The following DTNA variants were observed in gnomAD, a reference collection of about 807,000 sequenced individuals.
The protein encoded by DTNA is dystrobrevin alpha, also known as dystrophin-related protein 3.
Under a neutral mutation model 100.7 loss-of-function variants are expected in DTNA, and 43 were observed. That is an observed-to-expected ratio of 0.43 (90% confidence interval 0.33 to 0.55). The LOEUF is 0.55. DTNA is among the 20% of genes least tolerant of loss of function. The pLI is 0.04. For missense variants in DTNA, 798 were observed against 953.9 expected (o/e 0.84, Z 2.15); for synonymous variants, 349 against 347.9 (o/e 1.00, Z -0.04).
intron 13 of DTNA, among the ~76,000 whole-genome samples, chr18:34,847,274 AT>A (rs755602508): frequency 5.9e-5 from 9 of 152,142 alleles, no homozygotes; most frequent in Non-Finnish European, 1.5e-5. Flanking sequence ...GTTTCTGTAA[AT>A]TTATAGGAGG....
chr18:34,691,508 G>A (rs989472501), intron 1 of DTNA, among the ~76,000 whole-genome samples: 12 of 152,166 alleles, frequency 7.9e-5, no homozygotes, highest in Non-Finnish European at 1.3e-4. Context: ...TGTGAAACAA[G>A]CAGTTGAAAA....
chr18:34,543,536 A>G (rs1351341880), intron 1 of DTNA, among the ~76,000 whole-genome samples: 1 of 152,078 alleles, frequency 6.6e-6, no homozygotes, highest in Non-Finnish European at 1.5e-5. Flanking sequence ...TACAATTCTC[A>G]TGGATGTTAA....
chr18:34,642,171 C>A (rs756384475), intron 1 of DTNA, among the ~76,000 whole-genome samples: 23 of 152,176 alleles, frequency 1.5e-4, no homozygotes, highest in Non-Finnish European at 3.1e-4. Context: ...TGAGAAGCCA[C>A]TGAGGCATTC....
At chr18:34,507,972 TG>T (rs1463212699) in intron 1 of DTNA, among the ~76,000 whole-genome samples, 2 of 152,220 alleles carry the variant, frequency 1.3e-5, no homozygotes, top group African/African-American at 4.8e-5. Context: ...ATATTATAAA[TG>T]TTTTTCAAGT....
chr18:34,873,068 T>A (rs2096780866), intron 17 of DTNA, among the ~76,000 whole-genome samples: 2 of 152,322 alleles, frequency 1.3e-5, no homozygotes, highest in South Asian at 4.2e-4. Context: ...GTATTAGGGG[T>A]TAAAGTGCTT....
At chr18:34,525,020 A>G (rs1047472499) in intron 1 of DTNA, among the ~76,000 whole-genome samples, 1 of 152,178 alleles carries the variant, frequency 6.6e-6, no homozygotes, top group African/African-American at 2.4e-5. Flanking sequence ...TAAATGGAGA[A>G]CAATATTCAA....
At chr18:34,656,175 G>A (rs1471920319) in intron 1 of DTNA, among the ~76,000 whole-genome samples, 1 of 152,182 alleles carries the variant, frequency 6.6e-6, no homozygotes, top group Admixed American at 6.5e-5. Flanking sequence ...TAAAGTTATA[G>A]TTATAAGTTG....
At chr18:34,751,011 C>G (rs1379865651) in intron 1 of DTNA, among the ~76,000 whole-genome samples, 1 of 152,164 alleles carries the variant, frequency 6.6e-6, no homozygotes, top group Non-Finnish European at 1.5e-5. Context: ...TTATCCTTCC[C>G]CATACATGGG....
intron 1 of DTNA, among the ~76,000 whole-genome samples, chr18:34,731,557 A>G (rs1190463809): frequency 2.6e-5 from 4 of 152,242 alleles, no homozygotes; most frequent in Admixed American, 2.6e-4. Context: ...AGTACAGCAC[A>G]TAGCAAGTGC....
chr18:34,563,123 A>G (rs1210211954), intron 1 of DTNA, among the ~76,000 whole-genome samples: 1 of 152,188 alleles, frequency 6.6e-6, no homozygotes, highest in Non-Finnish European at 1.5e-5. Context: ...GACCTTAGCT[A>G]GAAAGAGGGT....
intron 6 of DTNA, among the ~76,000 whole-genome samples, chr18:34,814,547 C>T (rs1200738247): frequency 6.6e-6 from 1 of 151,844 alleles, no homozygotes; most frequent in Non-Finnish European, 1.5e-5. Flanking sequence ...AAACAATTAG[C>T]CAGGTGTGGT....
intron 1 of DTNA, among the ~76,000 whole-genome samples, chr18:34,644,350 AATGTTT>A (rs1378772402): frequency 1.3e-5 from 2 of 152,136 alleles, no homozygotes; most frequent in Admixed American, 6.5e-5. Flanking sequence ...GACTACTTGT[AATGTTT>A]ATGTTTATTA....
intron 1 of DTNA, among the ~76,000 whole-genome samples, chr18:34,648,477 A>G (rs2143685771): frequency 6.6e-6 from 1 of 152,356 alleles, no homozygotes; most frequent in Non-Finnish European, 1.5e-5. Flanking sequence ...GTGGAAGCAC[A>G]GCAGATAGAC....
At chr18:34,528,092 C>A (rs183356616) in intron 1 of DTNA, among the ~76,000 whole-genome samples, 1 of 151,956 alleles carries the variant, frequency 6.6e-6, no homozygotes, top group African/African-American at 2.4e-5. Flanking sequence ...AGTCTCCATG[C>A]TTCTGTTTTT....
chr18:34,827,493 C>G, intron 9 of DTNA, 100 bp from the exon 10 acceptor site: 2 of 1,070,248 alleles, frequency 1.9e-6, no homozygotes, highest in South Asian at 2.5e-5. Context: ...AAGGTAGAAC[C>G]CAGATCTTCC....
chr18:34,727,987 C>T (rs1458593733), intron 1 of DTNA, among the ~76,000 whole-genome samples: 1 of 152,120 alleles, frequency 6.6e-6, no homozygotes, highest in African/African-American at 2.4e-5. Context: ...AGAAATAAAG[C>T]AAGGTATCCT....
At chr18:34,532,432 G>A (rs1347376684) in intron 1 of DTNA, among the ~76,000 whole-genome samples, 2 of 152,126 alleles carry the variant, frequency 1.3e-5, no homozygotes, top group Non-Finnish European at 2.9e-5. Context: ...ACTGCTCTAA[G>A]TTAGCTCAGT....
At chr18:34,821,363 C>T (rs1420279319) in intron 9 of DTNA, 2 of 426,450 alleles carry the variant, frequency 4.7e-6, no homozygotes, top group South Asian at 1.7e-5. Context: ...TTTTGTTTTT[C>T]ATCCCAAGCT....
At chr18:34,768,534 C>G (rs985080469) in intron 3 of DTNA, among the ~76,000 whole-genome samples, 2 of 152,162 alleles carry the variant, frequency 1.3e-5, no homozygotes, top group Non-Finnish European at 2.9e-5. Context: ...AAGGCACTTT[C>G]TCATTCTTGG....
Sources: gnomAD v4.1 joint callset for allele counts (sites outside exome capture counted in the v4.1 genomes callset) on GRCh38, gnomAD v4.1.1 for gene constraint, MANE v1.5 for transcripts, NCBI Gene and HGNC (gene_info 2026-07-23, HGNC 2026-07-21) for gene names.